Variants in HTR2C observed in about 807,000 individuals in gnomAD.
HTR2C encodes 5-hydroxytryptamine (serotonin) receptor 2C, G protein-coupled.
A neutral mutation model predicts 21.0 loss-of-function variants in HTR2C; 5 were observed. The ratio of observed to expected loss-of-function variants is 0.24; its 90% CI spans 0.12 to 0.50. The LOEUF is 0.50. Among genes scored for constraint, HTR2C ranks in the 20% least tolerant of loss-of-function variants. HTR2C has a pLI of 0.98. For synonymous variants in HTR2C, 150 were observed against 145.3 expected (o/e 1.03, Z -0.23); for missense variants, 271 against 371.2 (o/e 0.73, Z 2.22).
In HTR2C at chrX:114,753,193, A is replaced by C. The variant is rs781944498; in HGVS notation, c.349+21586A>C. ...TCACCAACAGTTGTAGACAAAAACC[A>C]AAGAAACCAAAGCAGGAACTTAGAA... On this transcript the variant is annotated intron_variant, in intron 4 of 5. Coordinates refer to ENST00000276198, the MANE Select transcript of HTR2C (RefSeq NM_000868.4). 2.4e-3 allele frequency among the ~76,000 whole-genome samples: 269 copies of C among 109,935 alleles called. 1 individual carries two copies. Among genetic ancestry groups the C allele is most frequent in the African/African-American group, 8.5e-3 (257 of 30,330 alleles).
intron 2 of HTR2C, among the ~76,000 whole-genome samples, chrX:114,684,066 C>A (rs912531740): frequency 9.0e-6 from 1 of 111,599 alleles, no homozygotes; most frequent in Non-Finnish European, 1.9e-5. Flanking sequence ...TTCATAAATT[C>A]TATTTTAATA....
chrX:114,831,237 G>T (rs2070723682), intron 4 of HTR2C, among the ~76,000 whole-genome samples: 1 of 88,016 alleles, frequency 1.1e-5, no homozygotes, highest in Non-Finnish European at 2.3e-5. Context: ...TGGGTCAAAT[G>T]GTATTTCTAG....
intron 2 of HTR2C, among the ~76,000 whole-genome samples, chrX:114,683,438 C>T (rs1192645326): frequency 9.1e-6 from 1 of 109,293 alleles, no homozygotes; most frequent in Non-Finnish European, 1.9e-5. Flanking sequence ...ATCCTGGTAT[C>T]GGGGGAGAGG....
chrX:114,619,201 C>T (rs182543301), intron 2 of HTR2C, among the ~76,000 whole-genome samples: 173 of 110,961 alleles, frequency 1.6e-3, no homozygotes, highest in African/African-American at 5.4e-3. Context: ...CCTTATCCCC[C>T]GTAATGAATT....
chrX:114,866,550 G>A (rs2071047229), intron 5 of HTR2C, among the ~76,000 whole-genome samples: 1 of 109,219 alleles, frequency 9.2e-6, no homozygotes, highest in South Asian at 3.9e-4. Flanking sequence ...AATTATTATT[G>A]ACTATAGTCA....
At chrX:114,848,924 T>G (rs1556468445) in intron 5 of HTR2C, among the ~76,000 whole-genome samples, 1 of 111,801 alleles carries the variant, frequency 8.9e-6, no homozygotes, top group East Asian at 2.8e-4. Context: ...TTTACTTTCA[T>G]GTTTTTTTCC....
At chrX:114,596,325 T>A (rs782491158) in intron 1 of HTR2C, among the ~76,000 whole-genome samples, 16 of 112,282 alleles carry the variant, frequency 1.4e-4, no homozygotes, top group African/African-American at 5.2e-4. Flanking sequence ...TAGCTTTCAG[T>A]GGAGAATTTT....
At chrX:114,704,218 C>A (rs1394517205) in intron 2 of HTR2C, among the ~76,000 whole-genome samples, 1 of 111,573 alleles carries the variant, frequency 9.0e-6, no homozygotes, top group Admixed American at 9.6e-5. Flanking sequence ...ATGACGCCAG[C>A]ATCATCCTGA....
chrX:114,606,107 T>C (rs1380667825), intron 1 of HTR2C, among the ~76,000 whole-genome samples: 1 of 109,490 alleles, frequency 9.1e-6, no homozygotes, highest in Non-Finnish European at 1.9e-5. Flanking sequence ...AGATAAGAGG[T>C]TGGGGCATGG....
At chrX:114,782,680 C>T (rs149011059) in intron 4 of HTR2C, among the ~76,000 whole-genome samples, 42 of 109,775 alleles carry the variant, frequency 3.8e-4, no homozygotes, top group African/African-American at 1.2e-3. Flanking sequence ...ATTGCACCAA[C>T]GCACTCCAGC....
chrX:114,802,467 T>C (rs1424525585), intron 4 of HTR2C, among the ~76,000 whole-genome samples: 2 of 111,291 alleles, frequency 1.8e-5, no homozygotes, highest in Admixed American at 9.6e-5. Context: ...GTAGCCATCT[T>C]AGAATGTGCC....
intron 2 of HTR2C, among the ~76,000 whole-genome samples, chrX:114,699,753 T>A (rs1484870620): frequency 8.9e-6 from 1 of 111,835 alleles, no homozygotes; most frequent in Non-Finnish European, 1.9e-5. Flanking sequence ...CCTCCACAAC[T>A]TCACAATGAT....
chrX:114,663,100 G>A (rs4911805), intron 2 of HTR2C, among the ~76,000 whole-genome samples: 2,492 of 111,369 alleles, frequency 0.022, 32 homozygotes, highest in Admixed American at 0.04. Flanking sequence ...TTGAAGTGCC[G>A]TAGGTCTCAC....
chrX:114,856,272 A>G (rs1329894995), intron 5 of HTR2C, among the ~76,000 whole-genome samples: 1 of 101,151 alleles, frequency 9.9e-6, no homozygotes, highest in African/African-American at 3.6e-5. Flanking sequence ...AAGGGATGTG[A>G]AGGACCTCTT....
chrX:114,843,166 T>C lies in HTR2C; in HGVS notation c.350-4837T>C, dbSNP rs1194885573. 2.7e-5 allele frequency among the ~76,000 whole-genome samples: 3 copies of C among 111,916 alleles called. No individual in the cohort carries two copies. The Admixed American group carries it at 2.9e-4, about 11-fold the overall frequency. On this transcript the variant is annotated intron_variant, in intron 4 of 5. Transcript: ENST00000276198. ...AGCATTGGACTTAATAGACAAAGAC[T>C]TTACATCAACTGTCTCAAATGTACT...
chrX:114,751,440 A>G (rs1180664129), intron 4 of HTR2C, among the ~76,000 whole-genome samples: 1 of 112,176 alleles, frequency 8.9e-6, no homozygotes, highest in Admixed American at 9.5e-5. Context: ...TAGCATTTCA[A>G]CACTCATAGT....
chrX:114,783,156 CAAAAT>C (rs369560565), intron 4 of HTR2C, among the ~76,000 whole-genome samples: 40 of 110,890 alleles, frequency 3.6e-4, no homozygotes, highest in African/African-American at 1.2e-3. Flanking sequence ...GTTAAAATAA[CAAAAT>C]AAAATAAACA....
intron 2 of HTR2C, among the ~76,000 whole-genome samples, chrX:114,683,386 T>C (rs1466061892): frequency 8.7e-5 from 9 of 103,903 alleles, no homozygotes; most frequent in Middle Eastern, 9.9e-3. Flanking sequence ...TTTTTTTTTT[T>C]CCTTGCATTC....
intron 4 of HTR2C, among the ~76,000 whole-genome samples, chrX:114,824,828 C>G (rs5988138): frequency 0.041 from 4,594 of 111,545 alleles, 241 homozygotes; most frequent in African/African-American, 0.14. Context: ...AGCACAGACT[C>G]TCCATTGGAA....
Sources: gnomAD v4.1 joint callset for allele counts (sites outside exome capture counted in the v4.1 genomes callset) on GRCh38, gnomAD v4.1.1 for gene constraint, MANE v1.5 for transcripts, NCBI Gene and HGNC (gene_info 2026-07-23, HGNC 2026-07-21) for gene names.